Variants in STX5 observed in about 807,000 individuals in gnomAD.
The protein encoded by STX5 is syntaxin-5.
Under a neutral mutation model 42.9 loss-of-function variants are expected in STX5, and 15 were observed. The ratio of observed to expected loss-of-function variants is 0.35; its 90% CI spans 0.23 to 0.54. STX5 has a LOEUF of 0.54. Among genes scored for constraint, STX5 ranks in the 20% least tolerant of loss-of-function variants. STX5 has a pLI of 0.91. For missense variants in STX5, 430 were observed against 455.0 expected (o/e 0.95, Z 0.50); for synonymous variants, 184 against 173.2 (o/e 1.06, Z -0.49).
Position 62,825,447 on chromosome 11 carries a change from G to A in STX5, c.516C>T (p.Ser172=), listed in dbSNP as rs2084784500. 2 of 1,614,054 alleles carry A rather than the reference G, an allele frequency of 1.2e-6. No individual in the cohort carries two copies. Among genetic ancestry groups the A allele is most frequent in the Non-Finnish European group, 1.7e-6 (2 of 1,180,048 alleles). ...SQSGRHLQTH[S]NTIVVSLQSK... ...CCTGCAAGGAGACCACAATGGTGTT[G>A]GAGTGGGTCTGCAGGTGCCGGCCAC... Residue 172 remains serine (S), a synonymous_variant, in exon 6 of 11, where the codon TCC becomes TCT. Transcript: ENST00000294179.
intron 10 of STX5, chr11:62,823,850 C>T: frequency 3.0e-6 from 1 of 335,362 alleles, no homozygotes; most frequent in South Asian, 3.1e-5. Context: ...ACTGTGCCAG[C>T]CTTGTCAGTT....
Position 62,831,558 on chromosome 11 carries a change from C to G in STX5, c.-19-296G>C, listed in dbSNP as rs966991275. Among the ~76,000 whole-genome samples the G allele has an allele frequency of 3.9e-5, 6 of 152,284 alleles. No homozygotes were observed. In the East Asian group the frequency reaches 9.7e-4, roughly 25 times the overall value. On this transcript the variant is annotated intron_variant, in intron 1 of 10. Transcript: ENST00000294179. ...AACCCCGTGGTCCTGAGACTCCGGC[C>G]CGGCCCGTGTAACTGCCCCGGGCCC... is the stretch of plus-strand genomic sequence containing the variant.
At chr11:62,811,569 C>T (rs971403867) in intron 10 of STX5, among the ~76,000 whole-genome samples, 6 of 152,208 alleles carry the variant, frequency 3.9e-5, no homozygotes, top group African/African-American at 1.4e-4. Context: ...TTTGGGCTGG[C>T]ATTCCCTCCA....
At chr11:62,830,360 G>T in intron 2 of STX5, 1 of 344,582 alleles carries the variant, frequency 2.9e-6, no homozygotes, top group Middle Eastern at 1.1e-3. Flanking sequence ...AGACCAACCT[G>T]GGCAACATAG....
intron 10 of STX5, among the ~76,000 whole-genome samples, chr11:62,814,031 C>T (rs1044317963): frequency 6.6e-6 from 1 of 152,106 alleles, no homozygotes; most frequent in African/African-American, 2.4e-5. Context: ...GCCTTTTAAA[C>T]CCTCTAGGCT....
chr11:62,825,248 C>G, intron 7 of STX5, 35 bp downstream of exon 7: 1 of 1,613,698 alleles, frequency 6.2e-7, no homozygotes, highest in Non-Finnish European at 8.5e-7. Flanking sequence ...TCTTTACTCC[C>G]ATATTCCTAC....
intron 10 of STX5, among the ~76,000 whole-genome samples, chr11:62,814,486 AG>A (rs2084651752): frequency 3.7e-5 from 1 of 27,344 alleles, no homozygotes; most frequent in African/African-American, 1.2e-4. Flanking sequence ...TTTTTAGATA[AG>A]AGTCTCACTC....
chr11:62,809,417 G>T (rs1338572952), intron 10 of STX5, among the ~76,000 whole-genome samples: 1 of 151,790 alleles, frequency 6.6e-6, no homozygotes, highest in Non-Finnish European at 1.5e-5. Context: ...GCTCACACCT[G>T]TAATCCCAGC....
chr11:62,812,480 G>A (rs1395582991), intron 10 of STX5, among the ~76,000 whole-genome samples: 3 of 151,548 alleles, frequency 2.0e-5, no homozygotes, highest in African/African-American at 7.3e-5. Context: ...GGCGTGTGGC[G>A]TGATCTGGGC....
chr11:62,830,451 G>GA (rs2084844024), intron 2 of STX5: 1 of 444,856 alleles, frequency 2.2e-6, no homozygotes. Context: ...GGAGGCTGAG[G>GA]AAAGAGGATC....
At chr11:62,822,897 CAG>C (rs1156786467) in intron 10 of STX5, among the ~76,000 whole-genome samples, 1 of 152,128 alleles carries the variant, frequency 6.6e-6, no homozygotes, top group African/African-American at 2.4e-5. Context: ...ACCAGAGGAA[CAG>C]AGAGGCCAGC....
In STX5 at chr11:62,827,158, T is replaced by C; in HGVS notation, c.420A>G (p.Lys140=). 6.2e-7 allele frequency: 1 copy of C among 1,613,954 alleles called. No homozygotes were observed. The highest frequency in any genetic ancestry group is 8.5e-7 in the Non-Finnish European group (1 of 1,179,904). Residue 140 remains lysine (K), a synonymous_variant, in exon 5 of 11, where the codon AAA becomes AAG. Coordinates refer to ENST00000294179, the MANE Select transcript of STX5 (RefSeq NM_003164.5). ...VEIEELTYII[K]QDINSLNKQI... The stretch of plus-strand genomic sequence containing the variant: ...CTCCTGATGGCTAGTAGCTCACCTG[T>C]TTGATGATATATGTTAGCTCTTCAA...
rs572512386 is a variant in STX5 at position 62,825,507 on chromosome 11, C to A, written c.456G>T (p.Gln152His). ...DINSLNKQIA[Q>H]LQDFVRAKGS... ...CCTTGGCTCTCACGAAATCCTGGAG[C>A]TGAGCAATTTGTTTGTTGAGGCTAT... Residue 152 changes from glutamine to histidine, a missense_variant, in exon 6 of 11, where the codon CAG becomes CAT. Physicochemically the swap from Gln to His is conservative, Grantham distance 24. Coordinates refer to ENST00000294179, the MANE Select transcript of STX5 (RefSeq NM_003164.5). 7 of 1,613,896 alleles carry A rather than the reference C, an allele frequency of 4.3e-6. No homozygotes were observed. In the African/African-American group the frequency reaches 8.0e-5, roughly 18 times the overall value.
Position 62,822,437 on chromosome 11 carries a change from C to G in STX5, c.908+1729G>C, listed in dbSNP as rs373801718. 1.1e-4 allele frequency among the ~76,000 whole-genome samples: 16 copies of G among 152,274 alleles called. 1 individual carries two copies. The East Asian group carries it at 2.5e-3, about 24-fold the overall frequency. On this transcript the variant is annotated intron_variant, in intron 10 of 10. Coordinates refer to ENST00000294179, the MANE Select transcript of STX5 (RefSeq NM_003164.5). Reference sequence around the variant, plus strand: ...AAAAGCTAAAGCCTACCAATGGTCCCAAGAGGTCTCACAGTTCCCCTCTGA... The same window carrying G: ...AAAAGCTAAAGCCTACCAATGGTCCGAAGAGGTCTCACAGTTCCCCTCTGA...
At chr11:62,825,366 C>T in intron 6 of STX5, 27 bp from the exon 7 acceptor site, 1 of 1,614,152 alleles carries the variant, frequency 6.2e-7, no homozygotes, top group Non-Finnish European at 8.5e-7. Flanking sequence ...GAGGGTCAAC[C>T]AAAGAAGGCT....
At chr11:62,814,119 T>C (rs1288578092) in intron 10 of STX5, among the ~76,000 whole-genome samples, 1 of 152,084 alleles carries the variant, frequency 6.6e-6, no homozygotes, top group Non-Finnish European at 1.5e-5. Flanking sequence ...ACCAATACAT[T>C]AAAACCTATA....
chr11:62,829,845 A>G (rs1038922738), intron 2 of STX5, among the ~76,000 whole-genome samples: 23 of 151,732 alleles, frequency 1.5e-4, no homozygotes, highest in African/African-American at 5.3e-4. Context: ...AGGGCAGATC[A>G]CCTCAGGTCA....
chr11:62,824,102 T>C (rs2084767370), intron 10 of STX5, 64 bp downstream of exon 10: 2 of 1,611,636 alleles, frequency 1.2e-6, no homozygotes, highest in Non-Finnish European at 1.7e-6. Flanking sequence ...CCCTGGGGAC[T>C]TTAAGATGCC....
chr11:62,827,885 C>A (rs779307848), intron 2 of STX5, among the ~76,000 whole-genome samples: 20 of 151,932 alleles, frequency 1.3e-4, no homozygotes, highest in Non-Finnish European at 2.6e-4. Flanking sequence ...TCTCTACTTT[C>A]TCTTCTATAA....
Sources: allele counts gnomAD v4.1 joint callset (sites outside exome capture counted in the v4.1 genomes callset), GRCh38; gene constraint gnomAD v4.1.1; transcripts MANE v1.5; gene names NCBI Gene and HGNC (gene_info 2026-07-23, HGNC 2026-07-21).